CNBD1: variants seen among roughly 807,000 people sequenced by gnomAD.
CNBD1 encodes the protein cyclic nucleotide-binding domain-containing protein 1.
CNBD1 carries 71 observed loss-of-function variants against 54.4 expected under a neutral mutation model. The ratio of observed to expected loss-of-function variants is 1.30; its 90% CI spans 1.08 to 1.59. The LOEUF (loss-of-function observed/expected upper bound fraction) is 1.59. Among genes scored for constraint, CNBD1 ranks in the 40% most tolerant of loss-of-function variants. The probability of loss-of-function intolerance (pLI) is 0.00; values close to 1 mark genes in which losing one functional copy is unlikely to be tolerated. For missense variants in CNBD1, 659 were observed against 518.0 expected, an observed-to-expected ratio of 1.27 and a Z score of -2.64; for synonymous variants, 182 against 170.7, an observed-to-expected ratio of 1.07 and a Z score of -0.51.
At chr8:87,418,456 G>C (rs1004588787) in intron 2 of CNBD1, among the ~76,000 whole-genome samples, 2 of 151,862 alleles carry the variant, frequency 1.3e-5, no homozygotes, top group African/African-American at 2.4e-5. Context: ...CTAGGCAATG[G>C]TTTCCAGGAT....
At chr8:87,354,345 A>T (rs984338748) in intron 10 of CNBD1, among the ~76,000 whole-genome samples, 8 of 152,096 alleles carry the variant, frequency 5.3e-5, no homozygotes, top group Admixed American at 5.2e-4. Context: ...TACTTGGTGG[A>T]TCCCAGGCAG....
intron 6 of CNBD1, among the ~76,000 whole-genome samples, chr8:87,265,801 T>C (rs1808244189): frequency 6.6e-6 from 1 of 152,140 alleles, no homozygotes; most frequent in Non-Finnish European, 1.5e-5. Context: ...AAATATGTAC[T>C]ATATTGTCTA....
At chr8:87,043,267 T>A (rs1217166366) in intron 4 of CNBD1, among the ~76,000 whole-genome samples, 1 of 152,146 alleles carries the variant, frequency 6.6e-6, no homozygotes, top group Non-Finnish European at 1.5e-5. Flanking sequence ...TCTAGGACCC[T>A]CCCTGACCTG....
intron 8 of CNBD1, among the ~76,000 whole-genome samples, chr8:87,321,893 G>A (rs1228854351): frequency 1.8e-4 from 27 of 148,056 alleles, no homozygotes; most frequent in East Asian, 9.9e-4. Context: ...ATGCTGGTGT[G>A]CTGCACCCAC....
chr8:87,100,729 C>G (rs980983912), intron 4 of CNBD1, among the ~76,000 whole-genome samples: 3 of 152,142 alleles, frequency 2.0e-5, no homozygotes, highest in African/African-American at 7.2e-5. Context: ...CCTGCCTTGG[C>G]CTCCCAACGT....
At position 87,294,306 on chromosome 8, in the gene CNBD1, T is replaced by C. The variant is rs182611887; in HGVS notation, c.1042+7635T>C. 3.3e-5 allele frequency among the ~76,000 whole-genome samples: 5 copies of C among 152,334 alleles called. No homozygotes were observed. The East Asian group carries it at 9.7e-4, about 29-fold the overall frequency. The stretch of plus-strand genomic sequence containing the variant: ...ATACATTTCCACTTCTTTGCAATGC[T>C]GACAGTCTATACATGTTGGGGATGT... On this transcript the variant is annotated intron_variant, in intron 8 of 10. Coordinates refer to ENST00000518476, the MANE Select transcript of CNBD1 (RefSeq NM_173538.3).
chr8:87,252,111 T>C (rs961874353), intron 6 of CNBD1, among the ~76,000 whole-genome samples: 1 of 152,298 alleles, frequency 6.6e-6, no homozygotes, highest in East Asian at 1.9e-4. Context: ...CATTCATTTC[T>C]ATTTTTCCAT....
At chr8:86,995,336 T>A (rs1808844467) in intron 4 of CNBD1, among the ~76,000 whole-genome samples, 1 of 152,216 alleles carries the variant, frequency 6.6e-6, no homozygotes, top group Non-Finnish European at 1.5e-5. Context: ...TTGCAACTAC[T>A]CGATTCTGCA....
chr8:87,413,976 G>A (rs1247456665), intron 2 of CNBD1, among the ~76,000 whole-genome samples: 1 of 151,898 alleles, frequency 6.6e-6, no homozygotes, highest in Non-Finnish European at 1.5e-5. Flanking sequence ...ATTCCTCAGG[G>A]ATCTAGAGCT....
chr8:87,394,948 C>T (rs908346119), intron 2 of CNBD1, among the ~76,000 whole-genome samples: 12 of 151,740 alleles, frequency 7.9e-5, no homozygotes, highest in African/African-American at 2.7e-4. Context: ...ATTCACTAAC[C>T]CACCAAATTA....
At chr8:87,293,497 C>A (rs1482426523) in intron 8 of CNBD1, among the ~76,000 whole-genome samples, 1 of 152,230 alleles carries the variant, frequency 6.6e-6, no homozygotes, top group South Asian at 2.1e-4. Context: ...GAGCCGAGAT[C>A]GTGCTGCTGC....
intron 4 of CNBD1, among the ~76,000 whole-genome samples, chr8:86,987,353 G>T (rs930619027): frequency 2.0e-5 from 3 of 152,170 alleles, no homozygotes; most frequent in African/African-American, 7.2e-5. Flanking sequence ...TTTGTAGACT[G>T]ATTTTGTATC....
At chr8:87,108,105 A>T (rs1349885360) in intron 4 of CNBD1, among the ~76,000 whole-genome samples, 1 of 152,192 alleles carries the variant, frequency 6.6e-6, no homozygotes, top group Non-Finnish European at 1.5e-5. Context: ...TAGTTTTGAA[A>T]ATAGATAGTT....
chr8:87,290,347 A>T (rs996282362), intron 8 of CNBD1, among the ~76,000 whole-genome samples: 2 of 152,074 alleles, frequency 1.3e-5, no homozygotes, highest in Admixed American at 6.6e-5. Context: ...TTGAGTTGTC[A>T]TCTGATATGC....
At chr8:87,360,057 C>G (rs777834295) in intron 10 of CNBD1, among the ~76,000 whole-genome samples, 7 of 151,934 alleles carry the variant, frequency 4.6e-5, no homozygotes, top group Non-Finnish European at 8.8e-5. Context: ...GTTATACTCT[C>G]TATTTGGTCT....
At chr8:87,043,534 C>T (rs1810118062) in intron 4 of CNBD1, among the ~76,000 whole-genome samples, 1 of 152,162 alleles carries the variant, frequency 6.6e-6, no homozygotes, top group Non-Finnish European at 1.5e-5. Flanking sequence ...GTCTCACTCC[C>T]TTTACTCAGT....
At position 87,088,069 on chromosome 8, in the gene CNBD1, CA is replaced by C. The variant is rs1811138009; in HGVS notation, c.432-117920del. Among the ~76,000 whole-genome samples the C allele has an allele frequency of 1.3e-5, 2 of 152,192 alleles. 1 individual carries two copies. The highest frequency in any genetic ancestry group is 4.1e-4 in the South Asian group (2 of 4,828). ...CCTTACTGCAGTAATACATTGATGG[CA>C]AAAGTTCCATCCTCCTTTTCAAAGG... On this transcript the variant is annotated intron_variant, in intron 4 of 10. Coordinates refer to ENST00000518476, the MANE Select transcript of CNBD1 (RefSeq NM_173538.3).
chr8:87,116,195 C>CTTTTTTTTTTTTTTTTTTTTT (rs71556428), intron 4 of CNBD1, among the ~76,000 whole-genome samples: 1 of 74,528 alleles, frequency 1.3e-5, no homozygotes, highest in African/African-American at 5.7e-5. Flanking sequence ...ATTCTCATGT[C>CTTTTTTTTTTTTTTTTTTTTT]TTTTTTTTTT....
At chr8:86,920,677 T>A (rs1809256573) in intron 3 of CNBD1, among the ~76,000 whole-genome samples, 1 of 152,116 alleles carries the variant, frequency 6.6e-6, no homozygotes. Flanking sequence ...GTCACCCAAA[T>A]TGCCAGTCAT....
Sources: gnomAD v4.1 joint callset for allele counts (sites outside exome capture counted in the v4.1 genomes callset) on GRCh38, gnomAD v4.1.1 for gene constraint, MANE v1.5 for transcripts, NCBI Gene and HGNC (gene_info 2026-07-23, HGNC 2026-07-21) for gene names.